The following LRP1B variants were observed in gnomAD, a reference collection of about 807,000 sequenced individuals.
The protein encoded by LRP1B is low-density lipoprotein receptor-related protein 1B.
A neutral mutation model predicts 556.6 loss-of-function variants in LRP1B; 217 were observed. The observed-to-expected ratio is 0.39, with a 90% CI of 0.35 to 0.44. LRP1B has a LOEUF of 0.44. Among genes scored for constraint, LRP1B ranks in the 20% least tolerant of loss-of-function variants. LRP1B has a pLI of 1.00. For synonymous variants in LRP1B, 2,047 were observed against 1,865.8 expected, an observed-to-expected ratio of 1.10 and a Z score of -2.50; for missense variants, 5,053 against 5,620.8, an observed-to-expected ratio of 0.90 and a Z score of 3.23.
chr2:140,303,914 G>GT (rs1449613215), intron 83 of LRP1B, among the ~76,000 whole-genome samples: 11 of 151,986 alleles, frequency 7.2e-5, no homozygotes. Flanking sequence ...GTGGTGTTTG[G>GT]TTTTTTGTTC....
chr2:141,939,025 AG>A (rs2105010514), intron 1 of LRP1B, among the ~76,000 whole-genome samples: 1 of 152,096 alleles, frequency 6.6e-6, no homozygotes, highest in African/African-American at 2.4e-5. Context: ...GTTGGTCAAA[AG>A]TAGGAAGTTG....
chr2:142,089,573 G>A (rs1458494999), intron 1 of LRP1B, among the ~76,000 whole-genome samples: 2 of 152,144 alleles, frequency 1.3e-5, no homozygotes, highest in Middle Eastern at 3.2e-3. Context: ...GAAAGAAGAA[G>A]GGCATCCTGT....
intron 6 of LRP1B, among the ~76,000 whole-genome samples, chr2:141,198,181 T>G (rs1681833816): frequency 6.6e-6 from 1 of 152,144 alleles, no homozygotes; most frequent in Non-Finnish European, 1.5e-5. Flanking sequence ...TTTACTTTTA[T>G]ATGTCACCAT....
intron 31 of LRP1B, among the ~76,000 whole-genome samples, chr2:140,815,827 A>T (rs1573755949): frequency 1.3e-5 from 2 of 151,442 alleles, no homozygotes; most frequent in East Asian, 4.0e-4. Flanking sequence ...CAAGCAATTT[A>T]GTTAAGAGGG....
At chr2:141,183,728 C>G (rs900594833) in intron 7 of LRP1B, among the ~76,000 whole-genome samples, 8 of 151,976 alleles carry the variant, frequency 5.3e-5, no homozygotes, top group African/African-American at 1.9e-4. Flanking sequence ...TTTTACTTAA[C>G]ATAGGAGATC....
In LRP1B at chr2:140,262,650, A is replaced by G. The variant is rs1681998061; in HGVS notation, c.13247+7592T>C. Among the ~76,000 whole-genome samples the G allele has an allele frequency of 2.6e-5, 4 of 152,122 alleles. 1 individual carries two copies. In the South Asian group the frequency reaches 8.3e-4, roughly 31 times the overall value. On this transcript the variant is annotated intron_variant, in intron 86 of 90. Coordinates refer to ENST00000389484, the MANE Select transcript of LRP1B (RefSeq NM_018557.3). ...GTTGTCAAGATAGGAGACTGATGTG[A>G]GCAGAATAATAAATGTAAATATGCA...
intron 2 of LRP1B, among the ~76,000 whole-genome samples, chr2:141,486,479 A>G (rs910913893): frequency 2.0e-5 from 3 of 152,148 alleles, no homozygotes; most frequent in African/African-American, 7.2e-5. Flanking sequence ...TTGAGATAGC[A>G]TGTTTTGTGG....
At chr2:141,838,879 A>G (rs1463099081) in intron 1 of LRP1B, among the ~76,000 whole-genome samples, 3 of 152,128 alleles carry the variant, frequency 2.0e-5, no homozygotes, top group East Asian at 1.9e-4. Context: ...TTATAGTACT[A>G]TGATGTAGCT....
intron 15 of LRP1B, among the ~76,000 whole-genome samples, chr2:141,001,686 T>C (rs1244076546): frequency 6.6e-6 from 1 of 152,140 alleles, no homozygotes; most frequent in Non-Finnish European, 1.5e-5. Context: ...AGAGCACTTT[T>C]TGTGCTACCT....
intron 32 of LRP1B, among the ~76,000 whole-genome samples, chr2:140,790,819 G>A (rs77426442): frequency 0.026 from 4,030 of 152,198 alleles, 67 homozygotes; most frequent in South Asian, 0.063. Flanking sequence ...AGAAAAGATT[G>A]GGCCAAGGCA....
chr2:140,361,349 T>TATATATATAC (rs1462591148), intron 72 of LRP1B, among the ~76,000 whole-genome samples: 1 of 102,124 alleles, frequency 9.8e-6, no homozygotes. Flanking sequence ...AGCATATATA[T>TATATATATAC]ATATATATAT....
chr2:140,372,140 A>G (rs770503934), intron 69 of LRP1B, among the ~76,000 whole-genome samples: 2 of 152,030 alleles, frequency 1.3e-5, no homozygotes, highest in Non-Finnish European at 2.9e-5. Flanking sequence ...TACTTACTTA[A>G]TGACTTTGTA....
intron 1 of LRP1B, among the ~76,000 whole-genome samples, chr2:141,891,785 T>C (rs1449149150): frequency 6.6e-6 from 1 of 152,124 alleles, no homozygotes; most frequent in East Asian, 1.9e-4. Context: ...TTCATATTAA[T>C]AAGCATTAGG....
At chr2:141,010,907 A>G (rs915837399) in intron 14 of LRP1B, among the ~76,000 whole-genome samples, 1 of 151,316 alleles carries the variant, frequency 6.6e-6, no homozygotes, top group Non-Finnish European at 1.5e-5. Flanking sequence ...TATAAATTAC[A>G]TTATTAGCAT....
At chr2:141,268,464 CTG>C (rs1301299801) in intron 3 of LRP1B, among the ~76,000 whole-genome samples, 3 of 152,122 alleles carry the variant, frequency 2.0e-5, no homozygotes, top group Non-Finnish European at 4.4e-5. Context: ...ACCACAAAGA[CTG>C]TGCACTAACA....
chr2:140,414,765 C>T (rs921451786), intron 66 of LRP1B, among the ~76,000 whole-genome samples: 1 of 151,994 alleles, frequency 6.6e-6, no homozygotes, highest in Non-Finnish European at 1.5e-5. Context: ...GATTGTAAAA[C>T]GTGTGTTTGA....
intron 9 of LRP1B, 72 bp downstream of exon 9, chr2:141,058,811 T>C (rs897757304): frequency 7.6e-7 from 1 of 1,313,450 alleles, no homozygotes; most frequent in Non-Finnish European, 1.0e-6. Flanking sequence ...TTCAACACCA[T>C]ACAAAAGCAC....
chr2:141,741,355 G>GT (rs1052380046), intron 2 of LRP1B, among the ~76,000 whole-genome samples: 8 of 116,712 alleles, frequency 6.9e-5, no homozygotes, highest in African/African-American at 1.3e-4. Flanking sequence ...TCTAATTTTA[G>GT]TTTTTTTGAG....
chr2:141,153,399 ATATAT>A (rs1221743597), intron 7 of LRP1B, among the ~76,000 whole-genome samples: 3 of 21,120 alleles, frequency 1.4e-4, no homozygotes, highest in Non-Finnish European at 2.8e-4. Flanking sequence ...ATATATTTAT[ATATAT>A]TATATATTAG....
Sources: allele counts gnomAD v4.1 joint callset (sites outside exome capture counted in the v4.1 genomes callset), GRCh38; gene constraint gnomAD v4.1.1; transcripts MANE v1.5; gene names NCBI Gene and HGNC (gene_info 2026-07-23, HGNC 2026-07-21).